Variants in PHLPP1 observed in about 807,000 individuals in gnomAD.
PHLPP1 encodes PH domain leucine-rich repeat-containing protein phosphatase 1.
Under a neutral mutation model 117.2 loss-of-function variants are expected in PHLPP1, and 42 were observed. The observed-to-expected ratio is 0.36, with a 90% CI of 0.28 to 0.46. The LOEUF (loss-of-function observed/expected upper bound fraction) is 0.46. Among genes scored for constraint, PHLPP1 ranks in the 20% least tolerant of loss-of-function variants. The pLI, the probability that PHLPP1 is intolerant of heterozygous loss-of-function variation, is 1.00. For missense variants in PHLPP1, 2,084 were observed against 2,241.9 expected, an observed-to-expected ratio of 0.93 and a Z score of 1.42; for synonymous variants, 1,042 against 970.7, an observed-to-expected ratio of 1.07 and a Z score of -1.37.
intron 9 of PHLPP1, among the ~76,000 whole-genome samples, chr18:62,915,234 C>G (rs1909232432): frequency 6.6e-6 from 1 of 152,226 alleles, no homozygotes; most frequent in African/African-American, 2.4e-5. Context: ...CAAAACCATG[C>G]AGGCAGTGGT....
In PHLPP1 at chr18:62,716,027, G is replaced by GCGC. The variant is rs1910716417; in HGVS notation, c.346_348dup (p.Ala116dup). The GCGC allele has an allele frequency of 1.4e-6, 2 of 1,399,212 alleles. No homozygotes were observed. Among genetic ancestry groups the GCGC allele is most frequent in the Non-Finnish European group, 1.8e-6 (2 of 1,085,642 alleles). 86.7% of individuals were successfully genotyped at this position (1,399,212 alleles called of 1,614,324 possible). A position where few individuals can be genotyped will look rare whatever the true frequency, so the allele number is the denominator to read the frequency against. ...GCCCCCGTACCCGGGGCCGGCGGCGGCGCCAACTCCCTCCTGCTGAGGAGA... is the reference window on the plus strand; with the variant it reads ...GCCCCCGTACCCGGGGCCGGCGGCGGCGCCGCCAACTCCCTCCTGCTGAGGAGA... On this transcript the variant is annotated inframe_insertion, in exon 1 of 17. Coordinates refer to ENST00000262719, the MANE Select transcript of PHLPP1 (RefSeq NM_194449.4). This position sits in a 1 kb window ranked among gnomAD's most constrained non-coding sequence, Gnocchi z 5.7.
intron 10 of PHLPP1, among the ~76,000 whole-genome samples, chr18:62,932,060 G>A (rs1450849193): frequency 6.6e-6 from 1 of 151,966 alleles, no homozygotes; most frequent in Non-Finnish European, 1.5e-5. Context: ...GCTTCCCAAG[G>A]TTGAACCAGG....
chr18:62,769,434 G>A (rs1055441552), intron 1 of PHLPP1, among the ~76,000 whole-genome samples: 4 of 152,186 alleles, frequency 2.6e-5, no homozygotes, highest in African/African-American at 9.7e-5. Flanking sequence ...ATTGCTGTGG[G>A]GAGGGAGGAT....
At chr18:62,882,185 A>G (rs1916187931) in intron 4 of PHLPP1, among the ~76,000 whole-genome samples, 2 of 152,158 alleles carry the variant, frequency 1.3e-5, no homozygotes, top group African/African-American at 4.8e-5. Context: ...AAGAAGCACC[A>G]CACGAAAGGA....
In PHLPP1 at chr18:62,716,260, G is replaced by C; in HGVS notation, c.577G>C (p.Asp193His). 1 of 1,530,896 alleles carries C rather than the reference G, an allele frequency of 6.5e-7. No homozygotes were observed. The highest frequency in any genetic ancestry group is 2.5e-5 in the East Asian group (1 of 40,502). 94.8% of individuals were successfully genotyped at this position (1,530,896 alleles called of 1,614,324 possible). A position where few individuals can be genotyped will look rare whatever the true frequency, so the allele number is the denominator to read the frequency against. ...QTLQLQPSDR[D>H]WVRHQLQRGC... Reference sequence around the variant, plus strand: ...GCTGCAGCTGCAGCCGTCGGACCGGGACTGGGTGAGGCACCAGCTCCAGCG... The same window carrying C: ...GCTGCAGCTGCAGCCGTCGGACCGGCACTGGGTGAGGCACCAGCTCCAGCG... Residue 193 changes from aspartate to histidine, a missense_variant, in exon 1 of 17, where the codon GAC (aspartate) becomes CAC (histidine). Asp to His is a moderately conservative substitution (Grantham distance 81). Transcript: ENST00000262719. This position sits in a 1 kb window ranked among gnomAD's most constrained non-coding sequence, Gnocchi z 5.7.
chr18:62,797,907 T>A (rs1913671951), intron 1 of PHLPP1, among the ~76,000 whole-genome samples: 1 of 152,216 alleles, frequency 6.6e-6, no homozygotes, highest in Admixed American at 6.5e-5. Flanking sequence ...TTATCCTGAC[T>A]AATGGAAGGC....
chr18:62,715,667 C>T lies in PHLPP1; in HGVS notation c.-17C>T. 2 of 1,274,360 alleles carry T rather than the reference C, an allele frequency of 1.6e-6. No homozygotes were observed. Among genetic ancestry groups the T allele is most frequent in the Non-Finnish European group, 2.0e-6 (2 of 1,010,182 alleles). 78.9% of individuals were successfully genotyped at this position (1,274,360 alleles called of 1,614,324 possible). A position where few individuals can be genotyped will look rare whatever the true frequency, so the allele number is the denominator to read the frequency against. ...GCTGCCTCCGGAGCTGGGGGGGAAA[C>T]GCGAAGCCCCACTGCAATGGAGCCC... On this transcript the variant is annotated 5_prime_UTR_variant, in exon 1 of 17. In the 5' UTR this introduces an upstream ATG that the reference lacks. Coordinates refer to ENST00000262719, the MANE Select transcript of PHLPP1 (RefSeq NM_194449.4).
chr18:62,766,076 A>AAATATATATATATATATAT, intron 1 of PHLPP1, among the ~76,000 whole-genome samples: 10 of 21,650 alleles, frequency 4.6e-4, no homozygotes, highest in Non-Finnish European at 8.5e-4. Context: ...AAAAAAAAAA[A>AAATATATATATATATATAT]ATATATATAT....
chr18:62,973,420 A>G (rs1278848487), intron 15 of PHLPP1, among the ~76,000 whole-genome samples: 2 of 152,194 alleles, frequency 1.3e-5, no homozygotes, highest in East Asian at 3.8e-4. Flanking sequence ...TTGCCTGTCT[A>G]TAAGTATTGT....
At chr18:62,925,269 C>T (rs1022725528) in intron 10 of PHLPP1, among the ~76,000 whole-genome samples, 3 of 152,098 alleles carry the variant, frequency 2.0e-5, no homozygotes, top group African/African-American at 7.2e-5. Context: ...ATGGCCAGAC[C>T]GCTTTTCCTA....
At position 62,920,031 on chromosome 18, in the gene PHLPP1, A is replaced by G. The variant is rs1229872233; in HGVS notation, c.2877A>G (p.Leu959=). 3 of 1,612,804 alleles carry G rather than the reference A, an allele frequency of 1.9e-6. No individual in the cohort carries two copies. The highest frequency in any genetic ancestry group is 2.2e-5 in the South Asian group (2 of 90,740). Residue 959 remains leucine (L), a synonymous_variant, in exon 10 of 17, where the codon CTA becomes CTG. Transcript: ENST00000262719. ...HNQLARLPER[L]ERTSVEVLDV... ...AGTTGGCAAGGCTGCCTGAAAGGCT[A>G]GAAAGAACCTCGGTGGAGGTCTTGG...
chr18:62,754,006 G>A (rs1216832560), intron 1 of PHLPP1, among the ~76,000 whole-genome samples: 5 of 152,166 alleles, frequency 3.3e-5, no homozygotes, highest in African/African-American at 9.7e-5. Context: ...TGTGGTGAAA[G>A]CATTTTGTTA....
intron 1 of PHLPP1, among the ~76,000 whole-genome samples, chr18:62,752,406 T>G (rs78398502): frequency 0.039 from 6,002 of 152,352 alleles, 381 homozygotes; most frequent in African/African-American, 0.14. Flanking sequence ...TTCTGCATGG[T>G]CTTTAAAAGT....
intron 1 of PHLPP1, among the ~76,000 whole-genome samples, chr18:62,726,734 C>G (rs1382897266): frequency 6.6e-6 from 1 of 151,120 alleles, no homozygotes; most frequent in African/African-American, 2.4e-5. Context: ...CAGGCGCCTG[C>G]CACCACGCTC....
At chr18:62,975,349 G>C in intron 15 of PHLPP1, 48 bp from the exon 16 acceptor site, 4 of 1,307,930 alleles carry the variant, frequency 3.1e-6, no homozygotes, top group Non-Finnish European at 4.4e-6. Flanking sequence ...TGCAGAACTG[G>C]CACTGATGGG....
At chr18:62,877,372 C>A (rs1481279758) in intron 4 of PHLPP1, among the ~76,000 whole-genome samples, 1 of 152,146 alleles carries the variant, frequency 6.6e-6, no homozygotes, top group Non-Finnish European at 1.5e-5. Context: ...TTTTGCAGTT[C>A]ATTTGATCGA....
intron 2 of PHLPP1, chr18:62,832,288 C>T (rs1914779860): frequency 6.6e-6 from 1 of 152,144 alleles, no homozygotes; most frequent in Non-Finnish European, 1.5e-5. Flanking sequence ...CAGGAAGGTA[C>T]TGTGGGGGAT....
At chr18:62,773,657 A>G (rs562835595) in intron 1 of PHLPP1, among the ~76,000 whole-genome samples, 22 of 152,324 alleles carry the variant, frequency 1.4e-4, no homozygotes, top group African/African-American at 5.1e-4. Flanking sequence ...TCCACCCTAA[A>G]TGTTGAGGAA....
intron 13 of PHLPP1, among the ~76,000 whole-genome samples, chr18:62,960,244 C>A (rs928843552): frequency 3.3e-5 from 5 of 152,152 alleles, no homozygotes; most frequent in Middle Eastern, 3.4e-3. Flanking sequence ...ATAGTTGAAT[C>A]TGTAAAATTA....
Sources: allele counts gnomAD v4.1 joint callset (sites outside exome capture counted in the v4.1 genomes callset), GRCh38; gene constraint gnomAD v4.1.1; non-coding constraint Gnocchi (gnomAD v3.1); transcripts MANE v1.5; gene names NCBI Gene and HGNC (gene_info 2026-07-23, HGNC 2026-07-21).